The following CNTNAP2 variants were observed in gnomAD, a reference collection of about 807,000 sequenced individuals.
The protein encoded by CNTNAP2 is contactin-associated protein-like 2.
A neutral mutation model predicts 155.2 loss-of-function variants in CNTNAP2; 98 were observed. The ratio of observed to expected loss-of-function variants is 0.63; its 90% CI spans 0.54 to 0.75. The LOEUF is 0.75. Ranked by LOEUF, CNTNAP2 falls within the 30% of genes least tolerant of loss-of-function variation. CNTNAP2 has a pLI of 0.00. For synonymous variants in CNTNAP2, 651 were observed against 631.2 expected (o/e 1.03, Z -0.47); for missense variants, 1,727 against 1,688.1 (o/e 1.02, Z -0.40).
intron 1 of CNTNAP2, among the ~76,000 whole-genome samples, chr7:146,466,918 G>A (rs1584938635): frequency 6.6e-6 from 1 of 152,212 alleles, no homozygotes; most frequent in African/African-American, 2.4e-5. Context: ...GTGCATAGCT[G>A]TAAAAATTAA....
intron 1 of CNTNAP2, among the ~76,000 whole-genome samples, chr7:146,139,108 G>T (rs1797840344): frequency 6.6e-6 from 1 of 152,068 alleles, no homozygotes; most frequent in South Asian, 2.1e-4. Context: ...ATAGTGTATT[G>T]GTTGTTAACC....
chr7:146,531,644 C>A lies in CNTNAP2; in HGVS notation c.98-242627C>A, dbSNP rs569834591. Among the ~76,000 whole-genome samples the A allele has an allele frequency of 1.6e-3, 248 of 152,270 alleles. 2 individuals are homozygous for A. Among genetic ancestry groups the A allele is most frequent in the Non-Finnish European group, 3.0e-3 (207 of 68,018 alleles). ...GACTGCAACCTCCGCCTCCCAGGTT[C>A]AAGTGATTCTCCTGCCTCAGCCTCC... On this transcript the variant is annotated intron_variant, in intron 1 of 23. Transcript: ENST00000361727.
chr7:147,588,683 A>G (rs2116840078), intron 12 of CNTNAP2, among the ~76,000 whole-genome samples: 1 of 152,234 alleles, frequency 6.6e-6, no homozygotes, highest in East Asian at 1.9e-4. Flanking sequence ...CATTGAGGGG[A>G]CAGCTGGCCA....
intron 13 of CNTNAP2, among the ~76,000 whole-genome samples, chr7:147,692,118 C>T (rs773250813): frequency 2.0e-5 from 3 of 152,048 alleles, no homozygotes; most frequent in Non-Finnish European, 4.4e-5. Context: ...TACAGTATTG[C>T]CTTTTCAAAT....
intron 21 of CNTNAP2, among the ~76,000 whole-genome samples, chr7:148,339,099 G>A (rs17170956): frequency 0.13 from 19,556 of 152,060 alleles, 1,435 homozygotes; most frequent in East Asian, 0.26. Context: ...TGCTAATCCC[G>A]TTATTAATGC....
At chr7:146,350,297 T>C (rs1794893039) in intron 1 of CNTNAP2, among the ~76,000 whole-genome samples, 1 of 152,106 alleles carries the variant, frequency 6.6e-6, no homozygotes, top group African/African-American at 2.4e-5. Context: ...AGGGCTAATA[T>C]CTAGAATCTA....
chr7:147,651,108 A>G (rs1363793619), intron 13 of CNTNAP2, among the ~76,000 whole-genome samples: 1 of 152,120 alleles, frequency 6.6e-6, no homozygotes, highest in Non-Finnish European at 1.5e-5. Context: ...AACCGGAGAA[A>G]CAGAACAAGT....
At chr7:147,689,231 G>C (rs145063795) in intron 13 of CNTNAP2, among the ~76,000 whole-genome samples, 2,458 of 150,824 alleles carry the variant, frequency 0.016, 222 homozygotes, top group Admixed American at 0.15. Context: ...CTCACTGCAA[G>C]CTCCACCTCC....
chr7:146,679,258 A>C (rs532887990), intron 1 of CNTNAP2, among the ~76,000 whole-genome samples: 2 of 151,372 alleles, frequency 1.3e-5, no homozygotes, highest in African/African-American at 2.4e-5. Flanking sequence ...GAACAGAGGC[A>C]GTGTTTGGTT....
At chr7:146,222,997 T>C (rs912749175) in intron 1 of CNTNAP2, among the ~76,000 whole-genome samples, 3 of 152,034 alleles carry the variant, frequency 2.0e-5, no homozygotes, top group African/African-American at 4.8e-5. Flanking sequence ...GTGAGGACAC[T>C]TGGTCAAGAT....
intron 1 of CNTNAP2, among the ~76,000 whole-genome samples, chr7:146,608,524 T>A (rs952470604): frequency 6.6e-6 from 1 of 152,176 alleles, no homozygotes; most frequent in African/African-American, 2.4e-5. Flanking sequence ...TTCCTTTGTA[T>A]AAAGTACAAT....
intron 1 of CNTNAP2, among the ~76,000 whole-genome samples, chr7:146,592,721 A>G (rs1798801565): frequency 6.6e-6 from 1 of 152,172 alleles, no homozygotes; most frequent in Non-Finnish European, 1.5e-5. Flanking sequence ...AAAAATATCC[A>G]TATATTGTAC....
At chr7:146,640,636 T>G (rs573007786) in intron 1 of CNTNAP2, among the ~76,000 whole-genome samples, 45 of 152,334 alleles carry the variant, frequency 3.0e-4, no homozygotes, top group African/African-American at 1.1e-3. Context: ...GGCTTCCTTT[T>G]TGGCGAAGGT....
In CNTNAP2 at chr7:148,236,223, C is replaced by CA. The variant is rs1445878958; in HGVS notation, c.3381+6445dup. 3.3e-5 allele frequency among the ~76,000 whole-genome samples: 5 copies of CA among 152,160 alleles called. No homozygotes were observed. In the East Asian group the frequency reaches 9.6e-4, roughly 29 times the overall value. ...ACTCAATCATTTGCCTCCAGGCGCC[C>CA]ATGCCTCTCTCTCTCAAGGTAATGG... On this transcript the variant is annotated intron_variant, in intron 20 of 23. Transcript: ENST00000361727.
At chr7:146,851,700 G>GTGTT (rs1794882755) in intron 3 of CNTNAP2, among the ~76,000 whole-genome samples, 1 of 129,760 alleles carries the variant, frequency 7.7e-6, no homozygotes, top group South Asian at 2.5e-4. Context: ...GTGTGTGTGT[G>GTGTT]TTTTGATGGT....
chr7:147,630,270 G>A (rs1306358423), intron 12 of CNTNAP2, among the ~76,000 whole-genome samples: 4 of 111,608 alleles, frequency 3.6e-5, no homozygotes, highest in African/African-American at 6.4e-5. Flanking sequence ...GGAAGAAATA[G>A]AGATTCTAAA....
chr7:147,995,264 G>A (rs546428679), intron 15 of CNTNAP2, among the ~76,000 whole-genome samples: 15 of 152,280 alleles, frequency 9.9e-5, no homozygotes, highest in Admixed American at 8.5e-4. Flanking sequence ...GCATAGTGGG[G>A]CATTCTTATT....
chr7:146,171,740 CAT>C (rs1387658098), intron 1 of CNTNAP2, among the ~76,000 whole-genome samples: 1 of 151,976 alleles, frequency 6.6e-6, no homozygotes, highest in African/African-American at 2.4e-5. Flanking sequence ...TATCATAAAA[CAT>C]ATATAATGTG....
chr7:146,951,000 A>G (rs948396932), intron 3 of CNTNAP2, among the ~76,000 whole-genome samples: 4 of 151,920 alleles, frequency 2.6e-5, no homozygotes, highest in Non-Finnish European at 5.9e-5. Flanking sequence ...CTGGCGTGAG[A>G]TGGTATCTCA....
Sources: allele counts gnomAD v4.1 joint callset (sites outside exome capture counted in the v4.1 genomes callset), GRCh38; gene constraint gnomAD v4.1.1; transcripts MANE v1.5; gene names NCBI Gene and HGNC (gene_info 2026-07-23, HGNC 2026-07-21).